Variants in BAZ2B observed in about 807,000 individuals in gnomAD.
BAZ2B encodes bromodomain adjacent to zinc finger domain 2B, also known as bromodomain adjacent to zinc finger domain protein 2B.
BAZ2B carries 91 observed loss-of-function variants against 246.0 expected under a neutral mutation model. The ratio of observed to expected loss-of-function variants is 0.37; its 90% CI spans 0.31 to 0.44. The LOEUF (loss-of-function observed/expected upper bound fraction) is 0.44, where lower values mean the gene tolerates loss of function less well. Among genes scored for constraint, BAZ2B ranks in the 20% least tolerant of loss-of-function variants. The pLI is 1.00. For synonymous variants in BAZ2B, 855 were observed against 860.0 expected (o/e 0.99, Z 0.10); for missense variants, 2,332 against 2,533.7 (o/e 0.92, Z 1.71).
At chr2:159,547,749 T>C (rs560648444) in intron 2 of BAZ2B, among the ~76,000 whole-genome samples, 4 of 152,336 alleles carry the variant, frequency 2.6e-5, no homozygotes, top group South Asian at 4.1e-4. Context: ...TTCTCTGATG[T>C]TTCCATAATT....
the BAZ2B span, among the ~76,000 whole-genome samples, chr2:159,639,920 A>T: frequency 6.6e-6 from 1 of 151,334 alleles, no homozygotes; most frequent in Non-Finnish European, 1.5e-5. Context: ...TGAATGGATT[A>T]AAAAAAATAA....
chr2:159,676,248 G>C, the BAZ2B span, among the ~76,000 whole-genome samples: 1 of 151,702 alleles, frequency 6.6e-6, no homozygotes, highest in Non-Finnish European at 1.5e-5. Context: ...GCCCAGGCTG[G>C]TCTTGAACTC....
chr2:159,324,684 ACACACCTGCCT>A, intron 36 of BAZ2B, 116 bp downstream of exon 36: 2 of 295,948 alleles, frequency 6.8e-6, no homozygotes, highest in Non-Finnish European at 1.2e-5. Context: ...ACACACACAC[ACACACCTGCCT>A]CAAAGGCAGG....
intron 2 of BAZ2B, among the ~76,000 whole-genome samples, chr2:159,506,868 A>G (rs1043975747): frequency 6.6e-6 from 1 of 152,194 alleles, no homozygotes; most frequent in Non-Finnish European, 1.5e-5. Flanking sequence ...AAAGGAAAAG[A>G]GAAAGAGTAA....
intron 2 of BAZ2B, among the ~76,000 whole-genome samples, chr2:159,515,671 A>G (rs1234165370): frequency 6.6e-6 from 1 of 152,114 alleles, no homozygotes; most frequent in African/African-American, 2.4e-5. Context: ...TGAGGTAAGC[A>G]GTTTAAATGA....
At chr2:159,331,426 G>A (rs2064750413) in intron 34 of BAZ2B, among the ~76,000 whole-genome samples, 1 of 152,156 alleles carries the variant, frequency 6.6e-6, no homozygotes, top group Admixed American at 6.5e-5. Flanking sequence ...GGAGTGCAGT[G>A]GCATGATCTG....
chr2:159,360,664 C>T lies in BAZ2B; in HGVS notation c.4214-10307G>A, dbSNP rs930497156. Among the ~76,000 whole-genome samples the T allele has an allele frequency of 3.3e-5, 5 of 152,130 alleles. No homozygotes were observed. In the East Asian group the frequency reaches 9.6e-4, roughly 29 times the overall value. Reference sequence around the variant, plus strand: ...CCAAGACAACCCTAAGCAGAAAGAACAAAGCTGGAGGCATCACACTACCTG... The same window carrying T: ...CCAAGACAACCCTAAGCAGAAAGAATAAAGCTGGAGGCATCACACTACCTG... On this transcript the variant is annotated intron_variant, in intron 27 of 36. Transcript: ENST00000392783.
At chr2:159,686,065 C>G in the BAZ2B span, among the ~76,000 whole-genome samples, 2 of 152,050 alleles carry the variant, frequency 1.3e-5, no homozygotes, top group Admixed American at 6.6e-5. Flanking sequence ...AGTTCAAGAC[C>G]ACCTTGGGAA....
chr2:159,473,095 G>C (rs1038201333), intron 3 of BAZ2B, among the ~76,000 whole-genome samples: 3 of 152,140 alleles, frequency 2.0e-5, no homozygotes, highest in Non-Finnish European at 4.4e-5. Context: ...GTAGAATTCG[G>C]CTGTGAATCT....
chr2:159,638,027 A>G, the BAZ2B span, among the ~76,000 whole-genome samples: 1 of 152,248 alleles, frequency 6.6e-6, no homozygotes, highest in African/African-American at 2.4e-5. Flanking sequence ...AGTGGTGGCT[A>G]GAAGGGTGCT....
intron 31 of BAZ2B, among the ~76,000 whole-genome samples, chr2:159,347,186 C>A (rs911835458): frequency 1.3e-5 from 2 of 152,042 alleles, no homozygotes; most frequent in Non-Finnish European, 2.9e-5. Context: ...AACTGCGCAT[C>A]GGAAATAATA....
chr2:159,482,916 A>G (rs1451839572), intron 2 of BAZ2B, among the ~76,000 whole-genome samples: 1 of 152,170 alleles, frequency 6.6e-6, no homozygotes, highest in African/African-American at 2.4e-5. Context: ...ATCTATTCCT[A>G]GATTTCTGTT....
chr2:159,582,044 T>G (rs1686931716), intron 1 of BAZ2B, among the ~76,000 whole-genome samples: 1 of 123,814 alleles, frequency 8.1e-6, no homozygotes, highest in Admixed American at 9.2e-5. Flanking sequence ...GTTGTGCACA[T>G]GTACCCTAGA....
the BAZ2B span, among the ~76,000 whole-genome samples, chr2:159,632,781 T>G: frequency 1.7e-4 from 26 of 152,346 alleles, 1 homozygote; most frequent in East Asian, 1.3e-3. Flanking sequence ...TCTTCCAATA[T>G]TTCAAAACTA....
intron 31 of BAZ2B, among the ~76,000 whole-genome samples, chr2:159,340,533 G>C (rs2066477238): frequency 6.6e-6 from 1 of 151,968 alleles, no homozygotes; most frequent in African/African-American, 2.4e-5. Context: ...AGCATTAACA[G>C]TGTCAAGTCA....
chr2:159,564,298 G>C (rs538899230), intron 1 of BAZ2B, among the ~76,000 whole-genome samples: 2 of 152,284 alleles, frequency 1.3e-5, no homozygotes, highest in African/African-American at 4.8e-5. Flanking sequence ...GAGCAAGGCA[G>C]AGACCACAGA....
rs776853382 is a variant in BAZ2B, at chr2:159,412,312, G to A, written c.2677+23C>T. 3.7e-6 allele frequency: 6 copies of A among 1,605,230 alleles called. No individual in the cohort carries two copies. In the Admixed American group the frequency reaches 6.7e-5, roughly 18 times the overall value. Reference sequence around the variant, plus strand: ...TATACTTTTTAGTATGATTATTAGTGTCAGACACATTATGTTTCTTACCTT... The same window carrying A: ...TATACTTTTTAGTATGATTATTAGTATCAGACACATTATGTTTCTTACCTT... On this transcript the variant is annotated intron_variant, in intron 14 of 36. Coordinates refer to ENST00000392783, the MANE Select transcript of BAZ2B (RefSeq NM_013450.4).
At chr2:159,519,281 C>T (rs1248119317) in intron 2 of BAZ2B, among the ~76,000 whole-genome samples, 1 of 117,650 alleles carries the variant, frequency 8.5e-6, no homozygotes, top group Non-Finnish European at 1.6e-5. Flanking sequence ...GGACTGCGGA[C>T]TGCAGTGGCG....
At chr2:159,586,148 A>C (rs1355883447) in intron 1 of BAZ2B, among the ~76,000 whole-genome samples, 2 of 152,212 alleles carry the variant, frequency 1.3e-5, no homozygotes, top group Non-Finnish European at 2.9e-5. Flanking sequence ...GTTAAACCTA[A>C]GAACCCATTG....
Sources: gnomAD v4.1 joint callset for allele counts (sites outside exome capture counted in the v4.1 genomes callset) on GRCh38, gnomAD v4.1.1 for gene constraint, MANE v1.5 for transcripts, NCBI Gene and HGNC (gene_info 2026-07-23, HGNC 2026-07-21) for gene names.